Variants in SEC14L2 observed in about 807,000 individuals in gnomAD.
SEC14L2 encodes SEC14-like protein 2.
Under a neutral mutation model 56.9 loss-of-function variants are expected in SEC14L2, and 50 were observed. The ratio of observed to expected loss-of-function variants is 0.88; its 90% CI spans 0.70 to 1.11. The LOEUF (loss-of-function observed/expected upper bound fraction) is 1.11, where lower values mean the gene tolerates loss of function less well. SEC14L2 is among the 50% of genes most tolerant of loss of function. The pLI is 0.00. For synonymous variants in SEC14L2, 179 were observed against 188.5 expected (o/e 0.95, Z 0.41); for missense variants, 414 against 500.7 (o/e 0.83, Z 1.65).
At position 30,406,263 on chromosome 22, in the gene SEC14L2, G is replaced by A. The variant is rs1021797237; in HGVS notation, c.131-79G>A. On this transcript the variant is annotated intron_variant, in intron 2 of 11. Transcript: ENST00000615189. Reference sequence around the variant, plus strand: ...GACTGAGAGGAACTGGCCCTATCATGGGAATATGGGAATCTCCCCATCCTT... The same window carrying A: ...GACTGAGAGGAACTGGCCCTATCATAGGAATATGGGAATCTCCCCATCCTT... 5 of 1,406,610 alleles carry A rather than the reference G, an allele frequency of 3.6e-6. No homozygotes were observed. The African/African-American group carries it at 4.2e-5, about 12-fold the overall frequency. 87.1% of individuals were successfully genotyped at this position (1,406,610 alleles called of 1,614,324 possible).
chr22:30,417,243 T>G (rs1200472530), intron 11 of SEC14L2, among the ~76,000 whole-genome samples: 1 of 152,240 alleles, frequency 6.6e-6, no homozygotes, highest in Non-Finnish European at 1.5e-5. Context: ...AAAAGAACTC[T>G]GGGGAAATTT....
In SEC14L2 at chr22:30,415,947, GATCAACTACGGGGGTGAC is replaced by G; in HGVS notation, c.775_792del (p.Asn259_Ile264del). 6.2e-7 allele frequency: 1 copy of G among 1,614,204 alleles called. No homozygotes were observed. The highest frequency in any genetic ancestry group is 8.5e-7 in the Non-Finnish European group (1 of 1,180,030). On this transcript the variant is annotated inframe_deletion and splice_region_variant, in exon 10 of 12. Coordinates refer to ENST00000615189, the MANE Select transcript of SEC14L2 (RefSeq NM_012429.5). Reference sequence around the variant, plus strand: ...CAGTTCACTCCATGCCATGCTTCTAGATCAACTACGGGGGTGACATCCCCAGGAAGTATTATGTGCGAG... The same window carrying G: ...CAGTTCACTCCATGCCATGCTTCTAGATCCCCAGGAAGTATTATGTGCGAG...
At chr22:30,399,585 G>C in intron 1 of SEC14L2, 58 bp from the exon 2 acceptor site, 1 of 1,302,336 alleles carries the variant, frequency 7.7e-7, no homozygotes, top group Non-Finnish European at 1.1e-6. Flanking sequence ...GAGAGTCCTA[G>C]GCAGAGGGCA....
At chr22:30,413,847 CT>C (rs1276304543) in intron 8 of SEC14L2, among the ~76,000 whole-genome samples, 5 of 150,166 alleles carry the variant, frequency 3.3e-5, no homozygotes, top group Non-Finnish European at 5.9e-5. Flanking sequence ...CAAAAGCATT[CT>C]TTTTTCTTTT....
rs1268923105 is a variant in SEC14L2, at chr22:30,422,393, G to A, written c.1198G>A (p.Gly400Ser). ...AGAGAAGATGAAACAGCTGGGGGCA[G>A]GCACCCCGAAATAACACCTTCTCCT... ...SEEKMKQLGA[G>S]TPK Residue 400 changes from glycine to serine, a missense_variant, in exon 12 of 12, where the codon GGC (glycine) becomes AGC (serine). By Grantham distance (56) the Gly-to-Ser change is moderately conservative (BLOSUM62 0). Coordinates refer to ENST00000615189, the MANE Select transcript of SEC14L2 (RefSeq NM_012429.5). 2 of 1,614,052 alleles carry A rather than the reference G, an allele frequency of 1.2e-6. No individual in the cohort carries two copies. The highest frequency in any genetic ancestry group is 2.2e-5 in the South Asian group (2 of 91,088).
chr22:30,406,258 A>T, intron 2 of SEC14L2, 84 bp from the exon 3 acceptor site: 1 of 1,351,640 alleles, frequency 7.4e-7, no homozygotes, highest in South Asian at 1.2e-5. Context: ...AACTGGCCCT[A>T]TCATGGGAAT....
In SEC14L2 at chr22:30,422,477, T is replaced by C; in HGVS notation, c.*70T>C. 1 of 1,588,620 alleles carries C rather than the reference T, an allele frequency of 6.3e-7. No homozygotes were observed. Among genetic ancestry groups the C allele is most frequent in the Non-Finnish European group, 8.6e-7 (1 of 1,165,656 alleles). On this transcript the variant is annotated 3_prime_UTR_variant, in exon 12 of 12. Transcript: ENST00000615189. ...CAATTTCTACCCCTTGTAGCAGTCA[T>C]TTTCGCACAACCCTGAAGCCCAAAG...
chr22:30,407,029 G>T, intron 3 of SEC14L2, 66 bp from the exon 4 acceptor site: 1 of 1,534,934 alleles, frequency 6.5e-7, no homozygotes, highest in South Asian at 1.1e-5. Context: ...TGGGATTACA[G>T]GTGTGAACCA....
intron 8 of SEC14L2, among the ~76,000 whole-genome samples, chr22:30,411,251 A>T (rs2146027900): frequency 6.6e-6 from 1 of 151,590 alleles, no homozygotes; most frequent in Non-Finnish European, 1.5e-5. Flanking sequence ...ACAGAGCAAG[A>T]CCTTGTTTTT....
intron 2 of SEC14L2, among the ~76,000 whole-genome samples, chr22:30,403,907 G>A (rs559205170): frequency 1.4e-3 from 215 of 151,190 alleles, no homozygotes; most frequent in African/African-American, 5.1e-3. Context: ...GGAGGCTGAG[G>A]CAGGAGAATG....
intron 2 of SEC14L2, among the ~76,000 whole-genome samples, chr22:30,400,036 G>T (rs1933882659): frequency 6.6e-6 from 1 of 152,240 alleles, no homozygotes; most frequent in Non-Finnish European, 1.5e-5. Context: ...GATGGAGTTG[G>T]GGAAATTGGC....
chr22:30,399,717 A>C lies in SEC14L2; in HGVS notation c.129A>C (p.Arg43=), dbSNP rs150876475. 2.2e-5 allele frequency: 35 copies of C among 1,612,950 alleles called. No homozygotes were observed. The African/African-American group carries it at 2.3e-4, about 10-fold the overall frequency. ...PDDYFLLRWL[R]ARSFDLQKSE... ...ACTATTTTCTCCTGCGTTGGCTCCG[A>C]GGTGAGGGAAGAGGGGCTGCGGGAG... The change falls in exon 2 of 12, where the codon CGA becomes CGC. Residue 43 remains arginine (R), a splice_region_variant and synonymous_variant. Coordinates refer to ENST00000615189, the MANE Select transcript of SEC14L2 (RefSeq NM_012429.5).
At chr22:30,413,838 A>G (rs1243572614) in intron 8 of SEC14L2, among the ~76,000 whole-genome samples, 2 of 151,568 alleles carry the variant, frequency 1.3e-5, no homozygotes, top group Non-Finnish European at 3.0e-5. Flanking sequence ...AGGTCCCCAC[A>G]AAAGCATTCT....
chr22:30,408,705 A>C (rs1292339902), intron 5 of SEC14L2, among the ~76,000 whole-genome samples: 1 of 152,226 alleles, frequency 6.6e-6, no homozygotes, highest in African/African-American at 2.4e-5. Context: ...TGATGTCATA[A>C]AGTCTAGGAA....
Position 30,409,606 on chromosome 22 carries a change from A to G in SEC14L2, c.580+120A>G. On this transcript the variant is annotated intron_variant, in intron 7 of 11. Coordinates refer to ENST00000615189, the MANE Select transcript of SEC14L2 (RefSeq NM_012429.5). ...GGGGGTCTGAGGACATGTTCAGAAG[A>G]CTGCTGCCCCTGCTAGTGTGCTGGC... 15 of 955,684 alleles carry G rather than the reference A, an allele frequency of 1.6e-5. No individual in the cohort carries two copies. In the South Asian group the frequency reaches 1.8e-4, roughly 12 times the overall value. The allele number at this position is 955,684 out of a possible 1,614,324, so 59.2% of individuals were successfully genotyped here.
At chr22:30,401,674 C>T (rs550912336) in intron 2 of SEC14L2, among the ~76,000 whole-genome samples, 84 of 108,070 alleles carry the variant, frequency 7.8e-4, no homozygotes, top group Non-Finnish European at 1.2e-3. Context: ...CCACCACGCC[C>T]GGCTAATTTT....
At chr22:30,415,716 A>T in intron 8 of SEC14L2, 43 bp from the exon 9 acceptor site, 1 of 1,550,930 alleles carries the variant, frequency 6.4e-7, no homozygotes, top group East Asian at 2.2e-5. Flanking sequence ...AATCTTACCT[A>T]GTGTTGAGAT....
rs1384260440 is a variant in SEC14L2 at position 30,397,158 on chromosome 22, G to A, written c.42G>A (p.Glu14=). ...RVGDLSPRQK[E]ALAKFRENVQ... Reference sequence around the variant, plus strand: ...GCGATCTGAGCCCCAGGCAGAAGGAGGCATTGGCCAAGGTGAGCTGTAGCC... The same window carrying A: ...GCGATCTGAGCCCCAGGCAGAAGGAAGCATTGGCCAAGGTGAGCTGTAGCC... The change falls in exon 1 of 12, where the codon GAG becomes GAA. Residue 14 remains glutamate, a synonymous_variant. Transcript: ENST00000615189. The A allele has an allele frequency of 2.6e-6, 4 of 1,544,622 alleles. No individual in the cohort carries two copies. Among genetic ancestry groups the A allele is most frequent in the Admixed American group, 2.0e-5 (1 of 50,534 alleles).
intron 7 of SEC14L2, 80 bp downstream of exon 7, chr22:30,409,566 C>A: frequency 2.3e-6 from 3 of 1,322,576 alleles, no homozygotes; most frequent in Non-Finnish European, 2.2e-6. Flanking sequence ...GAGGGTCAAA[C>A]AGTGAGCCAA....
Sources: allele counts gnomAD v4.1 joint callset (sites outside exome capture counted in the v4.1 genomes callset), GRCh38; gene constraint gnomAD v4.1.1; transcripts MANE v1.5; gene names NCBI Gene and HGNC (gene_info 2026-07-23, HGNC 2026-07-21).